PRKG1: variants seen among roughly 807,000 people sequenced by gnomAD.
PRKG1 encodes the protein protein kinase cGMP-dependent 1.
Under a neutral mutation model 88.1 loss-of-function variants are expected in PRKG1, and 35 were observed. The observed-to-expected ratio is 0.40, with a 90% CI of 0.30 to 0.53. The LOEUF is 0.53. Among genes scored for constraint, PRKG1 ranks in the 20% least tolerant of loss-of-function variants. The pLI, the probability that PRKG1 is intolerant of heterozygous loss-of-function variation, is 0.59. For synonymous variants in PRKG1, 303 were observed against 292.5 expected (o/e 1.04, Z -0.37); for missense variants, 540 against 839.8 (o/e 0.64, Z 4.41).
At chr10:51,193,350 G>C (rs1837678576) in intron 2 of PRKG1, among the ~76,000 whole-genome samples, 1 of 151,996 alleles carries the variant, frequency 6.6e-6, no homozygotes, top group Non-Finnish European at 1.5e-5. Context: ...CTGATTCAGA[G>C]TCAAGAGTAG....
At chr10:51,780,521 G>T (rs1838559822) in intron 3 of PRKG1, among the ~76,000 whole-genome samples, 1 of 152,096 alleles carries the variant, frequency 6.6e-6, no homozygotes, top group African/African-American at 2.4e-5. Context: ...ACATGATCAA[G>T]CAAACATTAT....
In PRKG1 at chr10:52,111,084, A is replaced by G. The variant is rs1442970328; in HGVS notation, c.936-22756A>G. On this transcript the variant is annotated intron_variant, in intron 7 of 17. Coordinates refer to ENST00000373980, the MANE Select transcript of PRKG1 (RefSeq NM_006258.4). ...CCCATTTTTACCGATAGGTAAATCT[A>G]GGCACAATGAGATCAAATAATTTAT... Among the ~76,000 whole-genome samples the G allele has an allele frequency of 3.3e-5, 5 of 152,338 alleles. No homozygotes were observed. The East Asian group carries it at 9.6e-4, about 29-fold the overall frequency.
At chr10:51,308,058 T>C (rs117642586) in intron 2 of PRKG1, among the ~76,000 whole-genome samples, 4,798 of 152,276 alleles carry the variant, frequency 0.032, 127 homozygotes, top group South Asian at 0.076. Context: ...AATTAACAAC[T>C]GGGAATTCAA....
At chr10:51,468,514 A>G (rs1360258159) in intron 3 of PRKG1, among the ~76,000 whole-genome samples, 1 of 151,864 alleles carries the variant, frequency 6.6e-6, no homozygotes, top group Non-Finnish European at 1.5e-5. Context: ...AGAAGGAAAA[A>G]GATTTTTTTA....
At chr10:51,291,905 G>A (rs1300557245) in intron 2 of PRKG1, among the ~76,000 whole-genome samples, 1 of 152,160 alleles carries the variant, frequency 6.6e-6, no homozygotes, top group Non-Finnish European at 1.5e-5. Flanking sequence ...TTGCCTTTAA[G>A]TGTTTTAAAA....
intron 3 of PRKG1, among the ~76,000 whole-genome samples, chr10:51,547,411 C>T (rs191065343): frequency 4.5e-4 from 68 of 152,070 alleles, no homozygotes; most frequent in African/African-American, 1.5e-3. Flanking sequence ...TGTGGTTGAA[C>T]GTCAGCAAAT....
At position 51,467,835 on chromosome 10, in the gene PRKG1, G is replaced by C. The variant is rs1275290492; in HGVS notation, c.591G>C (p.Lys197Asn). ...LYNCTRTATV[K>N]TLVNVKLWAI... ...ACTGTACCCGGACAGCGACCGTCAA[G>C]AGTAAGACTATTTTCATATTTTTAA... The change falls in exon 3 of 18, where the codon AAG becomes AAC. Residue 197 changes from lysine (K) to asparagine (N), a missense_variant and splice_region_variant. Lys to Asn is a moderately conservative substitution (Grantham distance 94). Around this residue, in one of 5 missense-constraint regions of PRKG1, gnomAD observed 400 missense variants for 562.7 expected, o/e 0.71. Transcript: ENST00000373980. 6.2e-7 allele frequency: 1 copy of C among 1,605,296 alleles called. No individual in the cohort carries two copies. The highest frequency in any genetic ancestry group is 2.2e-5 in the East Asian group (1 of 44,792).
chr10:51,312,626 A>T (rs545480023), intron 2 of PRKG1, among the ~76,000 whole-genome samples: 1 of 152,282 alleles, frequency 6.6e-6, no homozygotes, highest in South Asian at 2.1e-4. Context: ...ACCATAGTAA[A>T]ATTACAGTGA....
chr10:51,248,210 A>T (rs1031342449), intron 2 of PRKG1, among the ~76,000 whole-genome samples: 1 of 151,884 alleles, frequency 6.6e-6, no homozygotes, highest in African/African-American at 2.4e-5. Flanking sequence ...TATAGGGCAC[A>T]CTCAATACAT....
At chr10:51,612,044 G>A (rs1252035964) in intron 3 of PRKG1, among the ~76,000 whole-genome samples, 3 of 151,982 alleles carry the variant, frequency 2.0e-5, no homozygotes, top group African/African-American at 7.2e-5. Context: ...CTGTGGGCTT[G>A]TAATACATTT....
intron 3 of PRKG1, among the ~76,000 whole-genome samples, chr10:51,654,585 G>A (rs1317850601): frequency 6.6e-6 from 1 of 151,986 alleles, no homozygotes; most frequent in Admixed American, 6.6e-5. Flanking sequence ...ACCAAACTCA[G>A]GAGGCTGCTT....
chr10:51,700,477 A>C (rs1199207126), intron 3 of PRKG1, among the ~76,000 whole-genome samples: 1 of 152,240 alleles, frequency 6.6e-6, no homozygotes, highest in Non-Finnish European at 1.5e-5. Context: ...TATATCATGC[A>C]GTGAGTCCAC....
intron 3 of PRKG1, among the ~76,000 whole-genome samples, chr10:51,723,504 G>A (rs1387106335): frequency 6.6e-6 from 1 of 152,126 alleles, no homozygotes; most frequent in Non-Finnish European, 1.5e-5. Flanking sequence ...GATAGCATTA[G>A]GAGAAATGCC....
chr10:51,603,357 T>TTTGTCTGGTGAGTTC (rs1200559182), intron 3 of PRKG1, among the ~76,000 whole-genome samples: 1 of 152,132 alleles, frequency 6.6e-6, no homozygotes, highest in African/African-American at 2.4e-5. Context: ...TTTCAATCTT[T>TTTGTCTGGTGAGTTC]TTGTCTGGTG....
At position 51,610,509 on chromosome 10, in the gene PRKG1, A is replaced by G. The variant is rs1215894780; in HGVS notation, c.592+142673A>G. On this transcript the variant is annotated intron_variant, in intron 3 of 17. Transcript: ENST00000373980. ...CTGAATAGTATTTCATTGTCTATAT[A>G]TATCTCACATTTTCTTTATTCATTC... 3.9e-5 allele frequency among the ~76,000 whole-genome samples: 6 copies of G among 152,294 alleles called. No individual in the cohort carries two copies. The South Asian group carries it at 1.0e-3, about 26-fold the overall frequency.
intron 2 of PRKG1, among the ~76,000 whole-genome samples, chr10:51,447,463 T>C (rs1416455772): frequency 6.6e-6 from 1 of 152,034 alleles, no homozygotes; most frequent in Non-Finnish European, 1.5e-5. Context: ...AAGAAAGAGT[T>C]CTAATGGCCA....
At chr10:51,376,947 G>A (rs188151163) in intron 2 of PRKG1, among the ~76,000 whole-genome samples, 156 of 152,278 alleles carry the variant, frequency 1.0e-3, no homozygotes, top group Non-Finnish European at 1.2e-3. Context: ...AAACTGCTGG[G>A]AGTACAGTCG....
intron 3 of PRKG1, among the ~76,000 whole-genome samples, chr10:51,486,121 T>C (rs1048572843): frequency 1.3e-5 from 2 of 152,190 alleles, no homozygotes; most frequent in Non-Finnish European, 2.9e-5. Flanking sequence ...TTGTTTGCGA[T>C]AAGAACACAT....
intron 3 of PRKG1, among the ~76,000 whole-genome samples, chr10:51,516,007 G>T (rs1280967750): frequency 6.6e-6 from 1 of 152,204 alleles, no homozygotes; most frequent in East Asian, 1.9e-4. Context: ...TGGGGCAGCT[G>T]CCTTCTGCCA....
Sources: gnomAD v4.1 joint callset for allele counts (sites outside exome capture counted in the v4.1 genomes callset) on GRCh38, gnomAD v4.1.1 for gene constraint, gnomAD v4.1.1 regional missense constraint, MANE v1.5 for transcripts, NCBI Gene and HGNC (gene_info 2026-07-23, HGNC 2026-07-21) for gene names.